RNF157: variants seen among roughly 807,000 people sequenced by gnomAD.
RNF157 encodes ring finger protein 157, also known as E3 ubiquitin ligase RNF157.
Under a neutral mutation model 88.3 loss-of-function variants are expected in RNF157, and 55 were observed. The ratio of observed to expected loss-of-function variants is 0.62; its 90% CI spans 0.50 to 0.78. The LOEUF is 0.78. RNF157 is among the 30% of genes least tolerant of loss of function. The pLI, the probability that RNF157 is intolerant of heterozygous loss-of-function variation, is 0.00. For synonymous variants in RNF157, 334 were observed against 341.2 expected (o/e 0.98, Z 0.23); for missense variants, 788 against 860.8 (o/e 0.92, Z 1.06).
intron 2 of RNF157, among the ~76,000 whole-genome samples, chr17:76,182,836 T>TCCTA (rs2069218435): frequency 7.3e-6 from 1 of 137,924 alleles, no homozygotes; most frequent in South Asian, 2.2e-4. Context: ...ATCCTATATA[T>TCCTA]GATATATAGG....
intron 1 of RNF157, among the ~76,000 whole-genome samples, chr17:76,224,473 A>G (rs2070042968): frequency 6.6e-6 from 1 of 152,168 alleles, no homozygotes; most frequent in Non-Finnish European, 1.5e-5. Flanking sequence ...CTTCATCTAC[A>G]TGACATTTCA....
chr17:76,194,091 T>C (rs1027596419), intron 2 of RNF157, among the ~76,000 whole-genome samples: 2 of 152,206 alleles, frequency 1.3e-5, no homozygotes, highest in African/African-American at 4.8e-5. Context: ...ATAATTTATA[T>C]ACAGTAAAAT....
In RNF157 at chr17:76,176,491, C is replaced by A. The variant is rs867107600; in HGVS notation, c.208-2701G>T. Among the ~76,000 whole-genome samples, 9 of 152,174 alleles carry A rather than the reference C, an allele frequency of 5.9e-5. No homozygotes were observed. The highest frequency in any genetic ancestry group is 1.2e-4 in the Non-Finnish European group (8 of 68,030). On this transcript the variant is annotated intron_variant, in intron 2 of 18. Transcript: ENST00000269391. The surrounding 1 kb of genome is among the most constrained non-coding windows in gnomAD (Gnocchi z 4.2). ...AATCGATTTTGCCTACTATTACTCT[C>A]GAAATTTCTTAGTGAGTTATCTTCC...
At chr17:76,206,064 T>C (rs1471594366) in intron 2 of RNF157, among the ~76,000 whole-genome samples, 2 of 151,792 alleles carry the variant, frequency 1.3e-5, no homozygotes, top group South Asian at 2.1e-4. Context: ...ACATTCTCTC[T>C]ATAGAAATTT....
At chr17:76,166,721 T>C (rs986965360) in intron 5 of RNF157, among the ~76,000 whole-genome samples, 194 bp from the exon 6 acceptor site, 5 of 152,134 alleles carry the variant, frequency 3.3e-5, no homozygotes, top group Non-Finnish European at 5.9e-5. Flanking sequence ...TAGATGTAAA[T>C]AAGAACCTCT....
At chr17:76,175,804 T>C (rs1174475738) in intron 2 of RNF157, 3 of 984,408 alleles carry the variant, frequency 3.0e-6, no homozygotes, top group South Asian at 4.7e-5. Context: ...TTCTCCTCCA[T>C]AGCCACTCCC....
At position 76,156,330 on chromosome 17, in the gene RNF157, T is replaced by C; in HGVS notation, c.1414-9A>G. On this transcript the variant is annotated splice_polypyrimidine_tract_variant and intron_variant, in intron 13 of 18. Coordinates refer to ENST00000269391, the MANE Select transcript of RNF157 (RefSeq NM_052916.3). ...GGAGTCACACCACATTCCTGGGGGT[T>C]GTGGGGGGACACAACAGGACATGGA... 6.2e-7 allele frequency: 1 copy of C among 1,613,858 alleles called. No individual in the cohort carries two copies. The highest frequency in any genetic ancestry group is 1.7e-4 in the Middle Eastern group (1 of 6,060).
intron 2 of RNF157, among the ~76,000 whole-genome samples, chr17:76,192,799 C>G (rs569189995): frequency 6.6e-6 from 1 of 150,932 alleles, no homozygotes; most frequent in Admixed American, 6.6e-5. Flanking sequence ...TATCAACAGC[C>G]AGAAGACACA....
chr17:76,210,389 G>T (rs765928051), intron 2 of RNF157, among the ~76,000 whole-genome samples: 5 of 151,272 alleles, frequency 3.3e-5, no homozygotes, highest in Non-Finnish European at 2.9e-5. Context: ...GTCAGATCGA[G>T]ACCATCCTGG....
At chr17:76,165,707 T>C (rs1263923841) in intron 6 of RNF157, among the ~76,000 whole-genome samples, 162 bp from the exon 7 acceptor site, 5 of 152,078 alleles carry the variant, frequency 3.3e-5, no homozygotes, top group African/African-American at 4.8e-5. Context: ...AGACAGAGTC[T>C]GGCTCTGTTG....
intron 3 of RNF157, 57 bp from the exon 4 acceptor site, chr17:76,167,854 C>T: frequency 1.3e-6 from 2 of 1,535,870 alleles, no homozygotes; most frequent in Non-Finnish European, 1.8e-6. Flanking sequence ...TTAAAATTTA[C>T]CTTTAAAAAA....
chr17:76,167,662 A>G lies in RNF157; in HGVS notation c.432T>C (p.Asn144=). The G allele has an allele frequency of 6.2e-7, 1 of 1,614,082 alleles. No homozygotes were observed. The highest frequency in any genetic ancestry group is 2.2e-5 in the East Asian group (1 of 44,880). ...TCTCCTGATCTTACCTGGCAATACCATTCTGGAACTCTTCCGTGGCCTGGT... is the reference window on the plus strand; with the variant it reads ...TCTCCTGATCTTACCTGGCAATACCGTTCTGGAACTCTTCCGTGGCCTGGT... ...IYYQATEEFQ[N]GIASYIPKDN... Residue 144 remains asparagine, a synonymous_variant, in exon 4 of 19, where the codon AAT becomes AAC. Transcript: ENST00000269391.
At chr17:76,164,138 T>C (rs1051755917) in intron 8 of RNF157, 1 of 149,460 alleles carries the variant, frequency 6.7e-6, no homozygotes, top group African/African-American at 2.4e-5. Context: ...CCAATGCCAC[T>C]GGCACCACTC....
At chr17:76,183,815 T>C (rs1160641648) in intron 2 of RNF157, among the ~76,000 whole-genome samples, 2 of 151,942 alleles carry the variant, frequency 1.3e-5, no homozygotes, top group African/African-American at 4.8e-5. Flanking sequence ...ATTTTTTTAC[T>C]TAAGTAAAAA....
At chr17:76,211,705 G>T (rs984104989) in intron 2 of RNF157, among the ~76,000 whole-genome samples, 7 of 152,164 alleles carry the variant, frequency 4.6e-5, no homozygotes, top group Non-Finnish European at 8.8e-5. Flanking sequence ...TCTTCATATG[G>T]AACAGGGGTC....
chr17:76,146,564 C>T lies in RNF157; in HGVS notation c.1922-1211G>A. The T allele has an allele frequency of 3.0e-6, 3 of 985,460 alleles. No homozygotes were observed. The highest frequency in any genetic ancestry group is 3.6e-6 in the Non-Finnish European group (3 of 829,942). The allele number at this position is 985,460 out of a possible 1,614,324, so 61.0% of individuals were successfully genotyped here. The stretch of plus-strand genomic sequence containing the variant: ...CATGTCGTCCTCCGGACCCTGTGGG[C>T]CTCCCCAGCCGTGTCTCCCAGTGGC... On this transcript the variant is annotated intron_variant, in intron 18 of 18. Coordinates refer to ENST00000269391, the MANE Select transcript of RNF157 (RefSeq NM_052916.3). The surrounding 1 kb of genome is among the most constrained non-coding windows in gnomAD (Gnocchi z 4.2).
In RNF157 at chr17:76,172,651, A is replaced by AATAT. The variant is rs142019894; in HGVS notation, c.296+1047_296+1050dup. On this transcript the variant is annotated intron_variant, in intron 3 of 18. Coordinates refer to ENST00000269391, the MANE Select transcript of RNF157 (RefSeq NM_052916.3). ...AAAAAAAAGGCGAGACTCTGTCTCA[A>AATAT]ATATATATATATATATATCAGACAG... 2.1e-3 allele frequency among the ~76,000 whole-genome samples: 305 copies of AATAT among 144,270 alleles called. 1 individual carries two copies. The highest frequency in any genetic ancestry group is 6.9e-3 in the African/African-American group (268 of 38,796). The allele number at this position is 144,270 out of a possible 152,430, so 94.6% of individuals were successfully genotyped here. A position where few individuals can be genotyped will look rare whatever the true frequency, so the allele number is the denominator to read the frequency against.
intron 18 of RNF157, among the ~76,000 whole-genome samples, chr17:76,151,770 C>G (rs1341259288): frequency 6.6e-6 from 1 of 152,142 alleles, no homozygotes; most frequent in Non-Finnish European, 1.5e-5. Flanking sequence ...AGTTACAGCT[C>G]CAGGGAGCAT....
intron 3 of RNF157, among the ~76,000 whole-genome samples, chr17:76,168,017 T>C (rs79292458): frequency 0.01 from 1,584 of 152,344 alleles, 20 homozygotes; most frequent in African/African-American, 0.035. Flanking sequence ...ATTGTGCATT[T>C]GGCACTTTTG....
Sources: allele counts gnomAD v4.1 joint callset (sites outside exome capture counted in the v4.1 genomes callset), GRCh38; gene constraint gnomAD v4.1.1; non-coding constraint Gnocchi (gnomAD v3.1); transcripts MANE v1.5; gene names NCBI Gene and HGNC (gene_info 2026-07-23, HGNC 2026-07-21).